The following TUBGCP4 variants were observed in gnomAD, a reference collection of about 807,000 sequenced individuals.
TUBGCP4 encodes tubulin gamma complex component 4.
In TUBGCP4, 54 loss-of-function variants were observed where a neutral mutation model predicts 91.6. The ratio of observed to expected loss-of-function variants is 0.59; its 90% confidence interval spans 0.47 to 0.74. TUBGCP4 has a LOEUF of 0.74. Ranked by LOEUF, TUBGCP4 falls within the 30% of genes least tolerant of loss-of-function variation. The probability of loss-of-function intolerance (pLI) is 0.00; values close to 1 mark genes in which losing one functional copy is unlikely to be tolerated. For synonymous variants in TUBGCP4, 297 were observed against 302.8 expected (o/e 0.98, Z 0.20); for missense variants, 593 against 800.9 (o/e 0.74, Z 3.13).
In TUBGCP4 at chr15:43,376,108, A is replaced by G; in HGVS notation, c.89A>G (p.Asp30Gly). 15 of 1,614,008 alleles carry G rather than the reference A, an allele frequency of 9.3e-6. No homozygotes were observed. The highest frequency in any genetic ancestry group is 1.3e-5 in the Non-Finnish European group (15 of 1,179,896). ...TTCCTCTTCCTGCAGGTATCGCAGG[A>G]CTTCCCTTTCCTCCACCCCAGTGAG... Reference protein sequence around the residue: ...NKRSGLQVSQDFPFLHPSETS... With the variant: ...NKRSGLQVSQGFPFLHPSETS... The change falls in exon 2 of 18, where the codon GAC becomes GGC. Residue 30 changes from aspartate (D) to glycine (G), a missense_variant. Asp to Gly is a moderately conservative substitution (Grantham distance 94). Coordinates refer to ENST00000564079, the MANE Select transcript of TUBGCP4 (RefSeq NM_014444.5).
intron 11 of TUBGCP4, among the ~76,000 whole-genome samples, chr15:43,395,932 A>G (rs2044572968): frequency 6.6e-6 from 1 of 151,990 alleles, no homozygotes; most frequent in South Asian, 2.1e-4. Flanking sequence ...ATTTTTTCTC[A>G]TTGGATTATA....
intron 9 of TUBGCP4, among the ~76,000 whole-genome samples, chr15:43,390,964 T>G (rs1358671872): frequency 6.6e-6 from 1 of 151,720 alleles, no homozygotes. Flanking sequence ...TAGAGGTGCA[T>G]GCCACCATGC....
In TUBGCP4 at chr15:43,409,187, G is replaced by A. The variant is rs1361096114; in HGVS notation, c.*3973G>A. The A allele has an allele frequency of 8.2e-7, 1 of 1,223,990 alleles. No homozygotes were observed. Among genetic ancestry groups the A allele is most frequent in the Non-Finnish European group, 1.2e-6 (1 of 846,782 alleles). The allele number at this position is 1,223,990 out of a possible 1,614,324, so 75.8% of individuals were successfully genotyped here. Reference sequence around the variant, plus strand: ...ATAATGAGCCATGAAGAGCAGATCTGAAGACTCCCAACTACTACCCAAAAT... The same window carrying A: ...ATAATGAGCCATGAAGAGCAGATCTAAAGACTCCCAACTACTACCCAAAAT... On this transcript the variant is annotated 3_prime_UTR_variant, in exon 18 of 18. Coordinates refer to ENST00000564079, the MANE Select transcript of TUBGCP4 (RefSeq NM_014444.5).
In TUBGCP4 at chr15:43,377,025, TC is replaced by T. The variant is rs1196276711; in HGVS notation, c.346del (p.His116IlefsTer11). 6.2e-7 allele frequency: 1 copy of T among 1,613,898 alleles called. No homozygotes were observed. ...LDLEQEFLGDPHLSISHVNYF... is the reference protein window; with the variant it reads ...LDLEQEFLGDXHLSISHVNYF... ...GTTTTTTATTGCAGTTCCTGGGTGA[TC>T]CCCATCTCTCCATATCACATGTCAA... On this transcript the variant is annotated frameshift_variant, in exon 4 of 18. Transcript: ENST00000564079. LOFTEE classifies it high-confidence loss of function.
Position 43,409,141 on chromosome 15 carries a change from G to A in TUBGCP4, c.*3927G>A, listed in dbSNP as rs1392599249. 2.5e-6 allele frequency: 4 copies of A among 1,581,306 alleles called. No individual in the cohort carries two copies. In the Admixed American group the frequency reaches 5.1e-5, roughly 20 times the overall value. On this transcript the variant is annotated 3_prime_UTR_variant, in exon 18 of 18. Transcript: ENST00000564079. ...GCCAATGGGTTTGGTGACTTCTGTG[G>A]AAAGCTCCTAAGCAGCAGCCATAAT...
chr15:43,396,874 A>G (rs1162290574), intron 11 of TUBGCP4, among the ~76,000 whole-genome samples: 1 of 152,198 alleles, frequency 6.6e-6, no homozygotes, highest in Non-Finnish European at 1.5e-5. Flanking sequence ...TGGCTTGGTC[A>G]TGTTAATATC....
rs747224753 is a variant in TUBGCP4, at chr15:43,399,143, G to A, written c.1419-901G>A. The A allele has an allele frequency of 1.2e-5, 15 of 1,264,942 alleles. No homozygotes were observed. The Middle Eastern group carries it at 6.6e-4, about 55-fold the overall frequency. The allele number at this position is 1,264,942 out of a possible 1,614,324, so 78.4% of individuals were successfully genotyped here. On this transcript the variant is annotated intron_variant, in intron 13 of 17. Coordinates refer to ENST00000564079, the MANE Select transcript of TUBGCP4 (RefSeq NM_014444.5). ...ACAATTTTAAAAACCAAACAGAATG[G>A]GACTGTCTTCTGCAAGCCTACCTAC...
intron 9 of TUBGCP4, 113 bp from the exon 10 acceptor site, chr15:43,394,994 T>G: frequency 2.7e-6 from 3 of 1,126,472 alleles, no homozygotes; most frequent in Admixed American, 1.8e-5. Flanking sequence ...TTTTTCTATG[T>G]GGGGCAAGGT....
intron 14 of TUBGCP4, among the ~76,000 whole-genome samples, chr15:43,401,020 A>G (rs1031296173): frequency 2.0e-5 from 3 of 152,066 alleles, no homozygotes; most frequent in African/African-American, 7.2e-5. Flanking sequence ...TCTTAAAGGC[A>G]TTTTAAAGAA....
chr15:43,384,066 G>A (rs2044322674), intron 7 of TUBGCP4, among the ~76,000 whole-genome samples: 1 of 152,024 alleles, frequency 6.6e-6, no homozygotes, highest in African/African-American at 2.4e-5. Context: ...CACCCGCCTC[G>A]GCCTGTAAGT....
chr15:43,376,374 A>G, intron 2 of TUBGCP4, 129 bp from the exon 3 acceptor site: 1 of 1,589,186 alleles, frequency 6.3e-7, no homozygotes. Context: ...ATCACTAGAA[A>G]TATTCAAGTG....
chr15:43,373,347 C>T (rs1057248177), intron 1 of TUBGCP4, among the ~76,000 whole-genome samples: 20 of 152,096 alleles, frequency 1.3e-4, no homozygotes, highest in African/African-American at 4.3e-4. Flanking sequence ...TTGAACTTTT[C>T]GAAAACTCTG....
At chr15:43,371,640 G>A (rs748333743) in intron 1 of TUBGCP4, among the ~76,000 whole-genome samples, 1 of 152,162 alleles carries the variant, frequency 6.6e-6, no homozygotes, top group Non-Finnish European at 1.5e-5. Flanking sequence ...ACGGAGGGCA[G>A]ACCTCGAAGA....
chr15:43,398,560 A>AC (rs1295470903), intron 13 of TUBGCP4, among the ~76,000 whole-genome samples: 1 of 152,164 alleles, frequency 6.6e-6, no homozygotes, highest in Non-Finnish European at 1.5e-5. Flanking sequence ...TCTACTTCAA[A>AC]CCATCATTTT....
At chr15:43,372,709 A>G (rs2044142736) in intron 1 of TUBGCP4, among the ~76,000 whole-genome samples, 1 of 152,200 alleles carries the variant, frequency 6.6e-6, no homozygotes, top group African/African-American at 2.4e-5. Context: ...TGTATTTTCT[A>G]CCATTTCATC....
At chr15:43,386,377 A>AT (rs748820688) in intron 9 of TUBGCP4, 47 bp downstream of exon 9, 793 of 19,144 alleles carry the variant, frequency 0.041, 108 homozygotes, top group Middle Eastern at 0.071. Flanking sequence ...ATATATATAT[A>AT]TTTTTTTTTT....
intron 5 of TUBGCP4, among the ~76,000 whole-genome samples, chr15:43,378,750 G>A (rs759185603): frequency 6.6e-6 from 1 of 152,180 alleles, no homozygotes; most frequent in Non-Finnish European, 1.5e-5. Flanking sequence ...AGCTTTTACT[G>A]TCACTGGCTG....
At chr15:43,386,014 A>ATG in intron 8 of TUBGCP4, 58 bp downstream of exon 8, 1 of 1,591,558 alleles carries the variant, frequency 6.3e-7, no homozygotes, top group East Asian at 2.2e-5. Context: ...CCTTAATACT[A>ATG]TGTGGCCCCA....
Position 43,402,023 on chromosome 15 carries a change from A to G in TUBGCP4, c.1731+173A>G, listed in dbSNP as rs979962039. 20 of 787,966 alleles carry G rather than the reference A, an allele frequency of 2.5e-5. No homozygotes were observed. In the East Asian group the frequency reaches 3.9e-4, roughly 15 times the overall value. 48.8% of individuals were successfully genotyped at this position (787,966 alleles called of 1,614,324 possible). A position where few individuals can be genotyped will look rare whatever the true frequency, so the allele number is the denominator to read the frequency against. On this transcript the variant is annotated intron_variant, in intron 15 of 17. Coordinates refer to ENST00000564079, the MANE Select transcript of TUBGCP4 (RefSeq NM_014444.5). ...CATGGTGGCTCATGCCTGTAATCCC[A>G]GCACTTTGGGAGGCCGAGGTGGGCG...
Sources: allele counts gnomAD v4.1 joint callset (sites outside exome capture counted in the v4.1 genomes callset), GRCh38; gene constraint gnomAD v4.1.1; transcripts MANE v1.5; gene names NCBI Gene and HGNC (gene_info 2026-07-23, HGNC 2026-07-21).